Variants in ASCC1 observed in about 807,000 individuals in gnomAD.
ASCC1 encodes activating signal cointegrator 1 complex subunit 1.
A neutral mutation model predicts 46.6 loss-of-function variants in ASCC1; 35 were observed. The ratio of observed to expected loss-of-function variants is 0.75; its 90% confidence interval spans 0.57 to 0.99. The LOEUF is 0.99. Among genes scored for constraint, ASCC1 ranks in the 50% least tolerant of loss-of-function variants. The pLI, the probability that ASCC1 is intolerant of heterozygous loss-of-function variation, is 0.00. For synonymous variants in ASCC1, 143 were observed against 146.6 expected, an observed-to-expected ratio of 0.98 and a Z score of 0.18; for missense variants, 376 against 428.7, an observed-to-expected ratio of 0.88 and a Z score of 1.09.
At chr10:72,147,078 G>C (rs17647694) in intron 7 of ASCC1, among the ~76,000 whole-genome samples, 3,876 of 149,276 alleles carry the variant, frequency 0.026, 144 homozygotes, top group Admixed American at 0.096. Flanking sequence ...AAGTCCCTTA[G>C]GCATCCTAGA....
chr10:72,136,031 CTTTTTTT>C (rs1564628428), intron 7 of ASCC1, among the ~76,000 whole-genome samples: 1 of 151,836 alleles, frequency 6.6e-6, no homozygotes, highest in African/African-American at 2.4e-5. Context: ...TGTTGTTTTT[CTTTTTTT>C]AAGAGACATG....
chr10:72,108,610 A>T (rs1340424518), intron 9 of ASCC1, among the ~76,000 whole-genome samples: 1 of 152,102 alleles, frequency 6.6e-6, no homozygotes, highest in African/African-American at 2.4e-5. Flanking sequence ...ACTTGAATAA[A>T]CTTTTAAAAA....
At chr10:72,189,302 GGA>G (rs1476695477) in intron 5 of ASCC1, among the ~76,000 whole-genome samples, 2 of 151,888 alleles carry the variant, frequency 1.3e-5, no homozygotes, top group Non-Finnish European at 2.9e-5. Flanking sequence ...CAGCTACTCG[GGA>G]GGCTGAGGCA....
At chr10:72,169,693 G>A (rs1187246675) in intron 5 of ASCC1, among the ~76,000 whole-genome samples, 1 of 152,124 alleles carries the variant, frequency 6.6e-6, no homozygotes, top group Non-Finnish European at 1.5e-5. Flanking sequence ...CACGTTAATG[G>A]TCTACATATT....
chr10:72,182,452 G>A (rs1329680180), intron 5 of ASCC1, among the ~76,000 whole-genome samples: 2 of 152,100 alleles, frequency 1.3e-5, no homozygotes, highest in Non-Finnish European at 2.9e-5. Context: ...GACTTGGAGG[G>A]CTAATGGGAA....
chr10:72,194,495 C>T lies in ASCC1; in HGVS notation c.489+2316G>A, dbSNP rs1485718630. On this transcript the variant is annotated intron_variant, in intron 5 of 9. Coordinates refer to ENST00000672957, the MANE Select transcript of ASCC1 (RefSeq NM_001198800.3). ...CCTGAAGGTAATCTGGATGTCTATA[C>T]ATGTTGAAAAATTCATACATCCACA... is the stretch of plus-strand genomic sequence containing the variant. Among the ~76,000 whole-genome samples, 3 of 151,972 alleles carry T rather than the reference C, an allele frequency of 2.0e-5. No homozygotes were observed. The East Asian group carries it at 5.8e-4, about 29-fold the overall frequency.
At chr10:72,208,526 G>A (rs567693195) in intron 3 of ASCC1, among the ~76,000 whole-genome samples, 24 of 152,154 alleles carry the variant, frequency 1.6e-4, no homozygotes, top group Admixed American at 4.6e-4. Flanking sequence ...TTGGGAGGCC[G>A]AGGCAGGTGG....
chr10:72,176,405 C>T (rs1038507233), intron 5 of ASCC1, among the ~76,000 whole-genome samples: 13 of 152,132 alleles, frequency 8.5e-5, no homozygotes, highest in Non-Finnish European at 1.5e-4. Context: ...TGCAGTGGCA[C>T]AATCATGGCT....
At chr10:72,189,929 AG>A in intron 5 of ASCC1, 1 of 706,610 alleles carries the variant, frequency 1.4e-6, no homozygotes, top group South Asian at 1.5e-5. Flanking sequence ...GGCAGCCATC[AG>A]GTAAGCCAAG....
chr10:72,216,294 G>C (rs1009458896), upstream of ASCC1: 1 of 160,584 alleles, frequency 6.2e-6, no homozygotes, highest in East Asian at 1.9e-4. Flanking sequence ...CCCAGGCCGG[G>C]TTTGACCGAG....
At chr10:72,099,549 G>A (rs1009095507) in intron 9 of ASCC1, among the ~76,000 whole-genome samples, 9 of 152,134 alleles carry the variant, frequency 5.9e-5, no homozygotes, top group Admixed American at 1.3e-4. Flanking sequence ...GGCCAGGCGC[G>A]GTGACTCATG....
At chr10:72,199,476 T>C (rs1856171304) in intron 4 of ASCC1, among the ~76,000 whole-genome samples, 1 of 152,034 alleles carries the variant, frequency 6.6e-6, no homozygotes, top group Admixed American at 6.6e-5. Flanking sequence ...TTTTGTATTT[T>C]CAGCAGAGAC....
At chr10:72,164,843 A>C (rs180743948) in intron 5 of ASCC1, among the ~76,000 whole-genome samples, 41 of 152,316 alleles carry the variant, frequency 2.7e-4, no homozygotes, top group African/African-American at 9.4e-4. Context: ...GTGGTATTAC[A>C]TTGTGGTTTT....
chr10:72,122,853 A>C (rs1388954361), intron 9 of ASCC1, among the ~76,000 whole-genome samples: 2 of 152,198 alleles, frequency 1.3e-5, no homozygotes, highest in Non-Finnish European at 2.9e-5. Context: ...GTAAATGAAA[A>C]TGAAGATACA....
chr10:72,161,089 C>CA lies in ASCC1; in HGVS notation c.626+448dup, dbSNP rs1291458944. Among the ~76,000 whole-genome samples, 698 of 136,120 alleles carry CA rather than the reference C, an allele frequency of 5.1e-3. 2 individuals are homozygous for CA. The highest frequency in any genetic ancestry group is 0.018 in the African/African-American group (661 of 36,862). 89.3% of individuals were successfully genotyped at this position (136,120 alleles called of 152,430 possible). A position where few individuals can be genotyped will look rare whatever the true frequency, so the allele number is the denominator to read the frequency against. ...CAGAGCAAGATTCCATCTCAAAAAA[C>CA]AAAAAAAAAGAAAGTAAGTCAGTAT... On this transcript the variant is annotated intron_variant, in intron 6 of 9. Coordinates refer to ENST00000672957, the MANE Select transcript of ASCC1 (RefSeq NM_001198800.3).
chr10:72,179,363 T>TTC (rs1852269126), intron 5 of ASCC1, among the ~76,000 whole-genome samples: 1 of 152,226 alleles, frequency 6.6e-6, no homozygotes, highest in Non-Finnish European at 1.5e-5. Context: ...GTCAAGGCTG[T>TTC]TCTCACTTGA....
chr10:72,143,930 G>A (rs535333815), intron 7 of ASCC1, among the ~76,000 whole-genome samples: 1 of 151,558 alleles, frequency 6.6e-6, no homozygotes, highest in African/African-American at 2.4e-5. Flanking sequence ...ATATCTTCCT[G>A]GTAAAATGAA....
At chr10:72,160,139 C>T (rs1251628762) in intron 6 of ASCC1, among the ~76,000 whole-genome samples, 1 of 152,024 alleles carries the variant, frequency 6.6e-6, no homozygotes, top group Admixed American at 6.6e-5. Context: ...CTCCTGACCT[C>T]GTCATCTGCC....
chr10:72,202,104 T>G (rs1856579311), intron 4 of ASCC1, among the ~76,000 whole-genome samples: 1 of 151,788 alleles, frequency 6.6e-6, no homozygotes, highest in Non-Finnish European at 1.5e-5. Context: ...AAATAAAAAT[T>G]TTTAAATGAA....
Sources: gnomAD v4.1 joint callset for allele counts (sites outside exome capture counted in the v4.1 genomes callset) on GRCh38, gnomAD v4.1.1 for gene constraint, MANE v1.5 for transcripts, NCBI Gene and HGNC (gene_info 2026-07-23, HGNC 2026-07-21) for gene names.